The following NEGR1 variants were observed in gnomAD, a reference collection of about 807,000 sequenced individuals.
NEGR1 encodes the protein neuronal growth regulator 1.
NEGR1 carries 10 observed loss-of-function variants against 40.9 expected under a neutral mutation model. The observed-to-expected ratio is 0.24, with a 90% CI of 0.15 to 0.42. The LOEUF (loss-of-function observed/expected upper bound fraction) is 0.42. Ranked by LOEUF, NEGR1 falls within the 10% of genes least tolerant of loss-of-function variation. The pLI is 1.00. For missense variants in NEGR1, 352 were observed against 438.9 expected, an observed-to-expected ratio of 0.80 and a Z score of 1.77; for synonymous variants, 185 against 166.8, an observed-to-expected ratio of 1.11 and a Z score of -0.84.
intron 1 of NEGR1, among the ~76,000 whole-genome samples, chr1:72,071,177 T>C (rs1049537045): frequency 5.9e-5 from 9 of 151,994 alleles, no homozygotes; most frequent in African/African-American, 2.2e-4. Context: ...AAAGTGTTTA[T>C]TGAAATGAGA....
At chr1:71,691,469 A>G (rs765419805) in intron 4 of NEGR1, among the ~76,000 whole-genome samples, 12 of 151,528 alleles carry the variant, frequency 7.9e-5, no homozygotes, top group Admixed American at 3.3e-4. Flanking sequence ...TTAGCTCCTC[A>G]TATCTCTTTT....
At chr1:71,552,400 A>G (rs1648113356) in intron 6 of NEGR1, among the ~76,000 whole-genome samples, 1 of 149,940 alleles carries the variant, frequency 6.7e-6, no homozygotes, top group Non-Finnish European at 1.5e-5. Context: ...GTGTAGGCCC[A>G]CAAATTCATA....
rs141723067 is a variant in NEGR1, at chr1:71,425,415, C to G, written c.941-17845G>C. Among the ~76,000 whole-genome samples, 146 of 152,228 alleles carry G rather than the reference C, an allele frequency of 9.6e-4. 1 individual carries two copies. The highest frequency in any genetic ancestry group is 3.4e-3 in the African/African-American group (143 of 41,540). ...AAGCTATATCTGTTATTCATGTTTT[C>G]TACAAACCTTTCCCCAACTATAAAA... is the stretch of plus-strand genomic sequence containing the variant. On this transcript the variant is annotated intron_variant, in intron 6 of 6. Coordinates refer to ENST00000357731, the MANE Select transcript of NEGR1 (RefSeq NM_173808.3).
In NEGR1 at chr1:71,924,940, T is replaced by C. The variant is rs537136768; in HGVS notation, c.409+10139A>G. On this transcript the variant is annotated intron_variant, in intron 2 of 6. Coordinates refer to ENST00000357731, the MANE Select transcript of NEGR1 (RefSeq NM_173808.3). ...TTCACGGTCTTATGTGTCCTAAAGATAGCATCAACATACTAAGTCACAGCT... is the reference window on the plus strand; with the variant it reads ...TTCACGGTCTTATGTGTCCTAAAGACAGCATCAACATACTAAGTCACAGCT... Among the ~76,000 whole-genome samples the C allele has an allele frequency of 2.6e-5, 4 of 152,142 alleles. No homozygotes were observed. The East Asian group carries it at 5.8e-4, about 22-fold the overall frequency.
At chr1:72,187,490 A>T (rs1465320513) in intron 1 of NEGR1, among the ~76,000 whole-genome samples, 1 of 151,486 alleles carries the variant, frequency 6.6e-6, no homozygotes, top group Non-Finnish European at 1.5e-5. Flanking sequence ...ATCACTGAAA[A>T]TTCAAACTAA....
At chr1:71,702,168 A>T (rs982925550) in intron 3 of NEGR1, among the ~76,000 whole-genome samples, 18 of 152,048 alleles carry the variant, frequency 1.2e-4, no homozygotes, top group African/African-American at 4.1e-4. Flanking sequence ...CTCAAAATCA[A>T]TTGTTTCTTT....
intron 1 of NEGR1, among the ~76,000 whole-genome samples, chr1:72,180,879 A>T (rs1308785184): frequency 6.6e-6 from 1 of 152,052 alleles, no homozygotes; most frequent in Non-Finnish European, 1.5e-5. Flanking sequence ...CCTCCTCTGG[A>T]TCCTTGCAGC....
chr1:71,711,124 T>A (rs1654067865), intron 3 of NEGR1, among the ~76,000 whole-genome samples: 1 of 149,580 alleles, frequency 6.7e-6, no homozygotes, highest in Non-Finnish European at 1.5e-5. Context: ...GATCACGAGG[T>A]CAGGAGATAG....
chr1:71,481,922 T>C (rs1646856577), intron 6 of NEGR1, among the ~76,000 whole-genome samples: 1 of 151,912 alleles, frequency 6.6e-6, no homozygotes, highest in Non-Finnish European at 1.5e-5. Flanking sequence ...TTTTATTCTC[T>C]GAGCTTTATT....
intron 2 of NEGR1, among the ~76,000 whole-genome samples, chr1:71,928,356 A>ACACATATG (rs1557439007): frequency 2.7e-5 from 2 of 74,926 alleles, no homozygotes; most frequent in African/African-American, 1.2e-4. Flanking sequence ...ATGTGTATAT[A>ACACATATG]TATATACACA....
At chr1:71,771,699 CAAA>C (rs60830449) in intron 3 of NEGR1, among the ~76,000 whole-genome samples, 9 of 12,098 alleles carry the variant, frequency 7.4e-4, no homozygotes, top group South Asian at 0.01. Flanking sequence ...GACTTAGTCT[CAAA>C]AAAAAAAAAA....
chr1:71,672,879 C>T (rs1170619120), intron 4 of NEGR1, among the ~76,000 whole-genome samples: 2 of 152,116 alleles, frequency 1.3e-5, no homozygotes, highest in African/African-American at 4.8e-5. Context: ...GCACACAACA[C>T]CTAACGGCTT....
chr1:71,562,261 C>T (rs932878996), intron 6 of NEGR1, among the ~76,000 whole-genome samples: 1 of 151,824 alleles, frequency 6.6e-6, no homozygotes, highest in Non-Finnish European at 1.5e-5. Context: ...GTTACCTATT[C>T]TGTCACTATC....
intron 2 of NEGR1, among the ~76,000 whole-genome samples, chr1:71,788,387 A>G (rs1281329556): frequency 6.6e-6 from 1 of 152,106 alleles, no homozygotes; most frequent in African/African-American, 2.4e-5. Context: ...ATTATATTCA[A>G]AAGTATATAA....
At chr1:71,828,813 T>C (rs1451623249) in intron 2 of NEGR1, among the ~76,000 whole-genome samples, 1 of 151,920 alleles carries the variant, frequency 6.6e-6, no homozygotes, top group Admixed American at 6.6e-5. Flanking sequence ...GTGTGAGCTC[T>C]GCTCCTTCAA....
In NEGR1 at chr1:71,539,684, G is replaced by A. The variant is rs184801540; in HGVS notation, c.940+53133C>T. Among the ~76,000 whole-genome samples the A allele has an allele frequency of 7.3e-5, 11 of 151,632 alleles. No homozygotes were observed. In the East Asian group the frequency reaches 1.2e-3, roughly 16 times the overall value. On this transcript the variant is annotated intron_variant, in intron 6 of 6. Transcript: ENST00000357731. ...CAATGTCAAAACTAAGAAAAGATGCGTGTTTATTATCATCCTGGTAAATAT... is the reference window on the plus strand; with the variant it reads ...CAATGTCAAAACTAAGAAAAGATGCATGTTTATTATCATCCTGGTAAATAT...
chr1:71,685,444 G>C (rs577228860), intron 4 of NEGR1, among the ~76,000 whole-genome samples: 7 of 151,186 alleles, frequency 4.6e-5, no homozygotes, highest in African/African-American at 1.7e-4. Flanking sequence ...TGCCTTAGCC[G>C]TCCCAGTAGC....
chr1:71,798,226 G>A (rs1329500972), intron 2 of NEGR1: 1 of 151,890 alleles, frequency 6.6e-6, no homozygotes, highest in Non-Finnish European at 1.5e-5. Flanking sequence ...TATCAGACTC[G>A]GTGGAGCAGA....
chr1:71,739,110 A>T (rs1183851282), intron 3 of NEGR1, among the ~76,000 whole-genome samples: 1 of 147,806 alleles, frequency 6.8e-6, no homozygotes, highest in African/African-American at 2.5e-5. Flanking sequence ...TTAACATTTG[A>T]GTCAGTGGAC....
Sources: allele counts gnomAD v4.1 joint callset (sites outside exome capture counted in the v4.1 genomes callset), GRCh38; gene constraint gnomAD v4.1.1; transcripts MANE v1.5; gene names NCBI Gene and HGNC (gene_info 2026-07-23, HGNC 2026-07-21).